The following FNIP2 variants were observed in gnomAD, a reference collection of about 807,000 sequenced individuals.
FNIP2 encodes folliculin-interacting protein 2.
In FNIP2, 32 loss-of-function variants were observed where a neutral mutation model predicts 108.7. The observed-to-expected ratio is 0.29, with a 90% CI of 0.22 to 0.40. The LOEUF (loss-of-function observed/expected upper bound fraction) is 0.40. FNIP2 is among the 10% of genes least tolerant of loss of function. The probability of loss-of-function intolerance (pLI) is 1.00; values close to 1 mark genes in which losing one functional copy is unlikely to be tolerated. For synonymous variants in FNIP2, 480 were observed against 496.7 expected (o/e 0.97, Z 0.45); for missense variants, 1,202 against 1,381.6 (o/e 0.87, Z 2.06).
chr4:158,816,046 T>C (rs1038363641), intron 1 of FNIP2, among the ~76,000 whole-genome samples: 15 of 152,176 alleles, frequency 9.9e-5, no homozygotes, highest in Admixed American at 7.8e-4. Context: ...GATTCATTCC[T>C]AGAAGTGAAC....
chr4:158,787,250 A>G (rs1016790321), intron 1 of FNIP2, among the ~76,000 whole-genome samples: 3 of 152,202 alleles, frequency 2.0e-5, no homozygotes, highest in African/African-American at 7.2e-5. Flanking sequence ...GAAATGAGCT[A>G]TGCATTTTGG....
At chr4:158,840,301 A>G (rs953527132) in intron 7 of FNIP2, among the ~76,000 whole-genome samples, 2 of 152,228 alleles carry the variant, frequency 1.3e-5, no homozygotes, top group Non-Finnish European at 2.9e-5. Context: ...AGAAATGTCT[A>G]CATGTTCTCC....
chr4:158,807,342 T>A (rs537206488), intron 1 of FNIP2, among the ~76,000 whole-genome samples: 16 of 151,906 alleles, frequency 1.1e-4, no homozygotes, highest in African/African-American at 1.9e-4. Flanking sequence ...TACAAAAAAA[T>A]TTTAAAAATA....
intron 5 of FNIP2, among the ~76,000 whole-genome samples, chr4:158,832,991 C>A (rs938444797): frequency 1.3e-5 from 2 of 152,182 alleles, no homozygotes; most frequent in African/African-American, 4.8e-5. Flanking sequence ...CTGCTTCCCT[C>A]ACATTTTTAT....
At chr4:158,806,415 C>T (rs1328913623) in intron 1 of FNIP2, 7 of 1,288,854 alleles carry the variant, frequency 5.4e-6, no homozygotes, top group South Asian at 3.7e-5. Flanking sequence ...ACACGGAACT[C>T]GACAACAGGT....
intron 1 of FNIP2, among the ~76,000 whole-genome samples, chr4:158,774,509 ATCTT>A (rs1376868496): frequency 2.0e-5 from 3 of 152,204 alleles, no homozygotes; most frequent in South Asian, 4.1e-4. Context: ...ATTTCATAGA[ATCTT>A]TCTTCTTCAT....
chr4:158,899,055 G>A (rs950553683), intron 16 of FNIP2, among the ~76,000 whole-genome samples: 1 of 152,118 alleles, frequency 6.6e-6, no homozygotes, highest in Non-Finnish European at 1.5e-5. Context: ...AGCTTGAAGT[G>A]GTGTTGAGTT....
At chr4:158,784,554 C>T (rs1367311168) in intron 1 of FNIP2, among the ~76,000 whole-genome samples, 1 of 152,058 alleles carries the variant, frequency 6.6e-6, no homozygotes, top group Non-Finnish European at 1.5e-5. Flanking sequence ...CAGTGGGAGC[C>T]CTGAGCCTGT....
chr4:158,881,117 A>G (rs1781565791), intron 14 of FNIP2, among the ~76,000 whole-genome samples: 1 of 152,252 alleles, frequency 6.6e-6, no homozygotes, highest in African/African-American at 2.4e-5. Flanking sequence ...TAAACTTACC[A>G]GAATTATATA....
chr4:158,861,942 C>G lies in FNIP2; in HGVS notation c.1465+166C>G, dbSNP rs554723745. On this transcript the variant is annotated intron_variant, in intron 12 of 16. Transcript: ENST00000264433. ...TGGATTCTAATTGTAGACCCACGAC[C>G]TTCCTCTCTTTTTTCCCCTACTGGC... Among the ~76,000 whole-genome samples, 4 of 152,276 alleles carry G rather than the reference C, an allele frequency of 2.6e-5. No individual in the cohort carries two copies. The South Asian group carries it at 8.3e-4, about 32-fold the overall frequency.
intron 14 of FNIP2, among the ~76,000 whole-genome samples, chr4:158,888,640 A>G (rs1189354498): frequency 6.6e-6 from 1 of 152,112 alleles, no homozygotes; most frequent in Non-Finnish European, 1.5e-5. Context: ...TATAATCCCA[A>G]CATTTTCAGA....
Position 158,869,148 on chromosome 4 carries a change from A to G in FNIP2, c.2512A>G (p.Arg838Gly). The change falls in exon 13 of 17, where the codon AGA (arginine) becomes GGA (glycine). Residue 838 changes from arginine (R) to glycine (G), a missense_variant. Around this residue, in one of 5 missense-constraint regions of FNIP2, gnomAD observed 878 missense variants for 990.3 expected, o/e 0.89. Transcript: ENST00000264433. ...GGGAGGGAGGAGGCTGGAGGCCACTAGAGGTTTGTATGTGAAGGCTGCGGA... is the reference window on the plus strand; with the variant it reads ...GGGAGGGAGGAGGCTGGAGGCCACTGGAGGTTTGTATGTGAAGGCTGCGGA... ...GTGGRRLEAT[R>G]GLYVKAAEGP... is the part of the protein sequence containing the mutation. 1 of 1,613,880 alleles carries G rather than the reference A, an allele frequency of 6.2e-7. No individual in the cohort carries two copies. The highest frequency in any genetic ancestry group is 8.5e-7 in the Non-Finnish European group (1 of 1,179,784).
intron 1 of FNIP2, among the ~76,000 whole-genome samples, chr4:158,818,732 C>A (rs1777713229): frequency 6.6e-6 from 1 of 152,208 alleles, no homozygotes; most frequent in African/African-American, 2.4e-5. Context: ...CTGAGTAGAT[C>A]TTTGAATTAT....
chr4:158,828,042 G>A (rs1167015677), intron 2 of FNIP2, among the ~76,000 whole-genome samples: 2 of 152,126 alleles, frequency 1.3e-5, no homozygotes, highest in East Asian at 3.8e-4. Context: ...GAGGGTGCAG[G>A]AAGCTTCTGT....
At chr4:158,818,412 A>G (rs1777692490) in intron 1 of FNIP2, among the ~76,000 whole-genome samples, 1 of 152,368 alleles carries the variant, frequency 6.6e-6, no homozygotes, top group Middle Eastern at 3.4e-3. Flanking sequence ...TTTCTCAGAC[A>G]TGGTAATCAC....
At chr4:158,808,961 C>A (rs922539412) in intron 1 of FNIP2, among the ~76,000 whole-genome samples, 1 of 152,136 alleles carries the variant, frequency 6.6e-6, no homozygotes, top group Non-Finnish European at 1.5e-5. Context: ...TGTCTCATTG[C>A]GGTTCATGTA....
chr4:158,876,695 G>T (rs1329190713), intron 14 of FNIP2, among the ~76,000 whole-genome samples: 2 of 152,184 alleles, frequency 1.3e-5, no homozygotes, highest in Non-Finnish European at 2.9e-5. Flanking sequence ...ACCTTGCCTG[G>T]TGCCTGGCAC....
intron 1 of FNIP2, among the ~76,000 whole-genome samples, chr4:158,815,945 A>G (rs1197505656): frequency 6.6e-6 from 1 of 152,092 alleles, no homozygotes; most frequent in Non-Finnish European, 1.5e-5. Flanking sequence ...AATTTATTTA[A>G]TCATCCTGCT....
chr4:158,776,108 T>C (rs976549318), intron 1 of FNIP2, among the ~76,000 whole-genome samples: 1 of 152,254 alleles, frequency 6.6e-6, no homozygotes, highest in African/African-American at 2.4e-5. Flanking sequence ...TGTTTGGTTA[T>C]GTGCTGATGT....
Sources: gnomAD v4.1 joint callset for allele counts (sites outside exome capture counted in the v4.1 genomes callset) on GRCh38, gnomAD v4.1.1 for gene constraint, gnomAD v4.1.1 regional missense constraint, MANE v1.5 for transcripts, NCBI Gene and HGNC (gene_info 2026-07-23, HGNC 2026-07-21) for gene names.